The following BLZF1 variants were observed in gnomAD, a reference collection of about 807,000 sequenced individuals.
BLZF1 encodes the protein basic leucine zipper nuclear factor 1, also known as golgin-45.
A neutral mutation model predicts 43.8 loss-of-function variants in BLZF1; 39 were observed. The observed-to-expected ratio is 0.89, with a 90% CI of 0.69 to 1.16. BLZF1 has a LOEUF of 1.16. Among genes scored for constraint, BLZF1 ranks in the 50% most tolerant of loss-of-function variants. The pLI is 0.00. For missense variants in BLZF1, 449 were observed against 469.8 expected (o/e 0.96, Z 0.41); for synonymous variants, 136 against 159.4 (o/e 0.85, Z 1.11).
intron 2 of BLZF1, among the ~76,000 whole-genome samples, chr1:169,373,981 A>G (rs1654211234): frequency 6.6e-6 from 1 of 152,102 alleles, no homozygotes. Context: ...TAGTTAATAC[A>G]TGATTCTGTG....
At chr1:169,378,184 A>C in intron 3 of BLZF1, 146 bp from the exon 4 acceptor site, 5 of 688,170 alleles carry the variant, frequency 7.3e-6, no homozygotes, top group Admixed American at 2.8e-5. Flanking sequence ...TATGGAACTT[A>C]AATATTTAAT....
In BLZF1 at chr1:169,376,679, A is replaced by G; in HGVS notation, c.168A>G (p.Pro56=). 2 of 1,613,502 alleles carry G rather than the reference A, an allele frequency of 1.2e-6. No individual in the cohort carries two copies. The highest frequency in any genetic ancestry group is 1.1e-5 in the South Asian group (1 of 91,066). The change falls in exon 3 of 7, where the codon CCA becomes CCG. Residue 56 remains proline, a synonymous_variant. Coordinates refer to ENST00000367808, the MANE Select transcript of BLZF1 (RefSeq NM_001320973.2). ...SLQSPWKKAV[P]SESPGVLQLG... ...AGAGTCCATGGAAGAAAGCAGTTCC[A>G]TCAGAGAGCCCAGGAGTTCTTCAGC...
chr1:169,386,905 G>A (rs1654689247), intron 6 of BLZF1, 92 bp from the exon 7 acceptor site: 2 of 867,240 alleles, frequency 2.3e-6, no homozygotes, highest in Non-Finnish European at 3.5e-6. Flanking sequence ...TATTAATGAA[G>A]TGAAACTTTA....
intron 2 of BLZF1, among the ~76,000 whole-genome samples, chr1:169,370,411 C>T (rs541550156): frequency 8.1e-4 from 123 of 152,154 alleles, no homozygotes; most frequent in Non-Finnish European, 1.6e-3. Context: ...TTTGTCCTCT[C>T]TAATATTTAA....
rs1654491447 is a variant in BLZF1, at chr1:169,380,568, T to C, written c.756T>C (p.Ser252=). Residue 252 remains serine (S), a synonymous_variant, in exon 5 of 7, where the codon AGT becomes AGC. Coordinates refer to ENST00000367808, the MANE Select transcript of BLZF1 (RefSeq NM_001320973.2). ...DAHGAIQDLL[S]EREQFRQEMI... ...ACGGGGCTATACAAGATCTCCTAAG[T>C]GAACGGGAACAGTTTCGTCAAGAAA... 4 of 1,612,966 alleles carry C rather than the reference T, an allele frequency of 2.5e-6. No individual in the cohort carries two copies. The highest frequency in any genetic ancestry group is 4.5e-5 in the East Asian group (2 of 44,850).
chr1:169,389,140 A>G (rs1471316067), downstream of BLZF1, among the ~76,000 whole-genome samples: 2 of 151,618 alleles, frequency 1.3e-5, no homozygotes, highest in Admixed American at 6.6e-5. Context: ...AAAGAATACA[A>G]AAAATAAGCC....
At chr1:169,393,027 C>T (rs912115600), downstream of BLZF1, among the ~76,000 whole-genome samples, 2 of 152,062 alleles carry the variant, frequency 1.3e-5, no homozygotes, top group Non-Finnish European at 2.9e-5. Flanking sequence ...ACCAGGGGAC[C>T]TATTATTTGC....
intron 6 of BLZF1, among the ~76,000 whole-genome samples, chr1:169,383,445 A>ATG (rs1244781951): frequency 1.3e-5 from 2 of 152,156 alleles, no homozygotes; most frequent in Admixed American, 1.3e-4. Flanking sequence ...CTATTGTAAG[A>ATG]TGTCTGGATA....
intron 2 of BLZF1, among the ~76,000 whole-genome samples, chr1:169,371,227 G>A (rs1049983910): frequency 2.6e-5 from 4 of 152,160 alleles, no homozygotes; most frequent in Admixed American, 2.0e-4. Flanking sequence ...GGATTAATGG[G>A]AAATAAGAGC....
downstream of BLZF1, among the ~76,000 whole-genome samples, chr1:169,390,070 T>G (rs1654781193): frequency 6.6e-6 from 1 of 152,200 alleles, no homozygotes; most frequent in African/African-American, 2.4e-5. Flanking sequence ...TACTGCATTG[T>G]ACATTTAAAA....
chr1:169,378,951 C>T (rs528964674), intron 4 of BLZF1, among the ~76,000 whole-genome samples: 2 of 151,904 alleles, frequency 1.3e-5, no homozygotes, highest in Admixed American at 6.6e-5. Flanking sequence ...ACGTTTTTCT[C>T]TCTATGCACA....
chr1:169,381,789 A>G (rs1270477447), intron 5 of BLZF1, among the ~76,000 whole-genome samples: 1 of 152,148 alleles, frequency 6.6e-6, no homozygotes, highest in Non-Finnish European at 1.5e-5. Flanking sequence ...TAGTTGCACA[A>G]ATTATGTAAG....
At chr1:169,384,791 T>A (rs574837499) in intron 6 of BLZF1, among the ~76,000 whole-genome samples, 5 of 152,302 alleles carry the variant, frequency 3.3e-5, no homozygotes, top group African/African-American at 1.2e-4. Flanking sequence ...ACTTTGCACT[T>A]ATATCTGTAA....
chr1:169,369,656 T>A, intron 2 of BLZF1, 106 bp downstream of exon 2: 1 of 765,026 alleles, frequency 1.3e-6, no homozygotes, highest in East Asian at 2.7e-5. Flanking sequence ...GGGAATCATT[T>A]GTTATTTCAG....
Position 169,376,942 on chromosome 1 carries a change from A to C in BLZF1, c.431A>C (p.Lys144Thr). 2 of 1,613,238 alleles carry C rather than the reference A, an allele frequency of 1.2e-6. No individual in the cohort carries two copies. Among genetic ancestry groups the C allele is most frequent in the Non-Finnish European group, 1.7e-6 (2 of 1,179,486 alleles). Reference protein sequence around the residue: ...KNSERRLLQDKEGLSNQLRVQ... With the variant: ...KNSERRLLQDTEGLSNQLRVQ... ...TCTGAAAGAAGGTTACTACAGGACAAAGAAGGTCTTTCAAACCAGCTCCGT... is the reference window on the plus strand; with the variant it reads ...TCTGAAAGAAGGTTACTACAGGACACAGAAGGTCTTTCAAACCAGCTCCGT... The change falls in exon 3 of 7, where the codon AAA becomes ACA. Residue 144 changes from lysine to threonine, a missense_variant. By Grantham distance (78) the Lys-to-Thr change is moderately conservative. Transcript: ENST00000367808.
At chr1:169,386,475 C>T (rs765568291) in intron 6 of BLZF1, among the ~76,000 whole-genome samples, 95 of 151,998 alleles carry the variant, frequency 6.3e-4, no homozygotes, top group Non-Finnish European at 3.8e-4. Flanking sequence ...GTCAGGAGAT[C>T]GAGACCATCC....
chr1:169,371,005 C>G (rs1033659821), intron 2 of BLZF1, among the ~76,000 whole-genome samples: 2 of 152,158 alleles, frequency 1.3e-5, no homozygotes, highest in African/African-American at 4.8e-5. Flanking sequence ...AAACTGTTTT[C>G]TAGATGCCAA....
intron 2 of BLZF1, among the ~76,000 whole-genome samples, chr1:169,371,841 T>G (rs937199261): frequency 2.6e-5 from 4 of 152,224 alleles, no homozygotes; most frequent in Non-Finnish European, 4.4e-5. Flanking sequence ...CTGAGACATT[T>G]AAATATTTTT....
intron 2 of BLZF1, among the ~76,000 whole-genome samples, chr1:169,372,648 A>G (rs895291397): frequency 6.6e-6 from 1 of 152,168 alleles, no homozygotes; most frequent in Non-Finnish European, 1.5e-5. Context: ...CCAAGGTCAC[A>G]CAATACATGG....
Sources: allele counts gnomAD v4.1 joint callset (sites outside exome capture counted in the v4.1 genomes callset), GRCh38; gene constraint gnomAD v4.1.1; transcripts MANE v1.5; gene names NCBI Gene and HGNC (gene_info 2026-07-23, HGNC 2026-07-21).